Variants in CDCA2 observed in about 807,000 individuals in gnomAD.
CDCA2 encodes cell division cycle-associated protein 2.
In CDCA2, 44 loss-of-function variants were observed where a neutral mutation model predicts 67.0. The ratio of observed to expected loss-of-function variants is 0.66; its 90% CI spans 0.52 to 0.84. CDCA2 has a LOEUF of 0.84. Among genes scored for constraint, CDCA2 ranks in the 40% least tolerant of loss-of-function variants. The pLI is 0.00. For synonymous variants in CDCA2, 447 were observed against 418.7 expected (o/e 1.07, Z -0.82); for missense variants, 1,253 against 1,203.2 (o/e 1.04, Z -0.61).
chr8:25,495,317 T>A (rs7826705), intron 13 of CDCA2, among the ~76,000 whole-genome samples: 59,548 of 152,086 alleles, frequency 0.39, 12,250 homozygotes, highest in African/African-American at 0.53. Context: ...CAATCTCTAA[T>A]AAGCGAAAGC....
chr8:25,481,110 A>T (rs890988246), intron 8 of CDCA2, among the ~76,000 whole-genome samples: 1 of 152,080 alleles, frequency 6.6e-6, no homozygotes, highest in Non-Finnish European at 1.5e-5. Flanking sequence ...GTAAAGCTTT[A>T]ACAATTTTGT....
intron 12 of CDCA2, 84 bp from the exon 13 acceptor site, chr8:25,488,468 G>A: frequency 7.7e-7 from 1 of 1,302,744 alleles, no homozygotes; most frequent in Non-Finnish European, 1.0e-6. Context: ...GAAGCATCCT[G>A]GGAAGCACAA....
intron 4 of CDCA2, among the ~76,000 whole-genome samples, chr8:25,465,130 C>T (rs12115146): frequency 0.011 from 1,614 of 152,230 alleles, 38 homozygotes; most frequent in African/African-American, 0.037. Context: ...TGCACCACCA[C>T]GCCTGGTTAA....
chr8:25,486,022 A>G (rs1421223869), intron 11 of CDCA2, among the ~76,000 whole-genome samples, 185 bp downstream of exon 11: 1 of 152,192 alleles, frequency 6.6e-6, no homozygotes, highest in Non-Finnish European at 1.5e-5. Flanking sequence ...TCCAAGCCTC[A>G]TACTTCATAA....
Position 25,503,539 on chromosome 8 carries a change from G to C in CDCA2, c.1838G>C (p.Gly613Ala). ...TPSIPSIRRLGSGYFSSNGKL... is the reference protein window; with the variant it reads ...TPSIPSIRRLASGYFSSNGKL... Reference sequence around the variant, plus strand: ...TCCATTCCGAGCATCCGAAGACTGGGTTCAGGTATCCTGACATTTTCCTGG... The same window carrying C: ...TCCATTCCGAGCATCCGAAGACTGGCTTCAGGTATCCTGACATTTTCCTGG... The change falls in exon 14 of 15, where the codon GGT becomes GCT. Residue 613 changes from glycine to alanine, a missense_variant. Gly to Ala is a moderately conservative substitution (Grantham distance 60, BLOSUM62 0). Coordinates refer to ENST00000330560, the MANE Select transcript of CDCA2 (RefSeq NM_152562.4). 1.3e-6 allele frequency: 2 copies of C among 1,597,452 alleles called. No individual in the cohort carries two copies. Among genetic ancestry groups the C allele is most frequent in the Non-Finnish European group, 8.5e-7 (1 of 1,174,970 alleles).
intron 3 of CDCA2, among the ~76,000 whole-genome samples, chr8:25,460,824 C>G (rs1315054680): frequency 6.6e-6 from 1 of 152,124 alleles, no homozygotes; most frequent in African/African-American, 2.4e-5. Context: ...GTGTGTGAGT[C>G]ACTTTTTGAC....
chr8:25,477,305 G>A (rs1453849983), intron 7 of CDCA2, among the ~76,000 whole-genome samples: 1 of 152,082 alleles, frequency 6.6e-6, no homozygotes, highest in Admixed American at 6.6e-5. Flanking sequence ...TTGCATCACT[G>A]ACCATTTCCT....
chr8:25,478,098 T>C (rs1339772964), intron 7 of CDCA2, among the ~76,000 whole-genome samples: 1 of 151,824 alleles, frequency 6.6e-6, no homozygotes, highest in Non-Finnish European at 1.5e-5. Context: ...AGCTAATTTT[T>C]TTTTTTGGTA....
chr8:25,493,495 CAAAG>C (rs1172244522), intron 13 of CDCA2, among the ~76,000 whole-genome samples: 1 of 152,114 alleles, frequency 6.6e-6, no homozygotes, highest in Admixed American at 6.6e-5. Context: ...ATTTAAAAGA[CAAAG>C]AACAAGCTTG....
chr8:25,486,166 A>G (rs1435714620), intron 11 of CDCA2, among the ~76,000 whole-genome samples: 1 of 152,256 alleles, frequency 6.6e-6, no homozygotes, highest in East Asian at 1.9e-4. Flanking sequence ...TCTGGATTGT[A>G]AGGATCATTC....
At chr8:25,459,502 C>G (rs2117467732) in intron 1 of CDCA2, 29 bp downstream of exon 1, 1 of 152,582 alleles carries the variant, frequency 6.6e-6, no homozygotes, top group Non-Finnish European at 1.5e-5. Context: ...TGCCACGGGG[C>G]TGTTTCTCCG....
chr8:25,495,678 C>T (rs533812556), intron 13 of CDCA2, among the ~76,000 whole-genome samples: 184 of 152,268 alleles, frequency 1.2e-3, no homozygotes, highest in African/African-American at 4.4e-3. Context: ...CCTCGGCCTC[C>T]CAAAGTGCTG....
intron 12 of CDCA2, among the ~76,000 whole-genome samples, chr8:25,487,744 A>C (rs1803839677): frequency 6.6e-6 from 1 of 152,194 alleles, no homozygotes; most frequent in Non-Finnish European, 1.5e-5. Context: ...CGTCTCAAAA[A>C]AAAAACTAAT....
At position 25,462,130 on chromosome 8, in the gene CDCA2, T is replaced by C; in HGVS notation, c.309T>C (p.His103=). 1 of 1,614,082 alleles carries C rather than the reference T, an allele frequency of 6.2e-7. No individual in the cohort carries two copies. Among genetic ancestry groups the C allele is most frequent in the South Asian group, 1.1e-5 (1 of 91,086 alleles). The change falls in exon 4 of 15, where the codon CAT becomes CAC. Residue 103 remains histidine, a synonymous_variant. Coordinates refer to ENST00000330560, the MANE Select transcript of CDCA2 (RefSeq NM_152562.4). The part of the protein sequence containing the change: ...VGARGSPETN[H]LIRFIARQQN... ...CTCGGGGCTCTCCTGAAACAAACCA[T>C]CTGATTCGTTTCATTGCTCGGCAGC...
intron 7 of CDCA2, among the ~76,000 whole-genome samples, chr8:25,474,400 T>C (rs1490720709): frequency 6.6e-6 from 1 of 152,274 alleles, no homozygotes; most frequent in African/African-American, 2.4e-5. Flanking sequence ...TAAAGCCATC[T>C]GGTCCTGGGC....
intron 6 of CDCA2, 61 bp downstream of exon 6, chr8:25,468,474 T>A: frequency 7.1e-7 from 1 of 1,402,146 alleles, no homozygotes; most frequent in Non-Finnish European, 1.0e-6. Context: ...TAGGCAGTTT[T>A]AAGGCTGTCA....
intron 13 of CDCA2, among the ~76,000 whole-genome samples, chr8:25,491,682 T>C (rs1014872984): frequency 2.6e-5 from 4 of 152,046 alleles, no homozygotes; most frequent in Admixed American, 1.3e-4. Flanking sequence ...AGTGCTGTGG[T>C]CACTGCTTAC....
At chr8:25,495,077 C>A (rs893467118) in intron 13 of CDCA2, among the ~76,000 whole-genome samples, 1 of 152,192 alleles carries the variant, frequency 6.6e-6, no homozygotes, top group South Asian at 2.1e-4. Flanking sequence ...CAAACTAATA[C>A]ATTACCCTTT....
chr8:25,491,763 C>G (rs1166896295), intron 13 of CDCA2, among the ~76,000 whole-genome samples: 2 of 151,976 alleles, frequency 1.3e-5, no homozygotes, highest in Non-Finnish European at 2.9e-5. Context: ...ACTACAGGTG[C>G]ACGCCACCAC....
Sources: allele counts gnomAD v4.1 joint callset (sites outside exome capture counted in the v4.1 genomes callset), GRCh38; gene constraint gnomAD v4.1.1; transcripts MANE v1.5; gene names NCBI Gene and HGNC (gene_info 2026-07-23, HGNC 2026-07-21).